The following ZNF407 variants were observed in gnomAD, a reference collection of about 807,000 sequenced individuals.
ZNF407 encodes the protein zinc finger protein 407.
ZNF407 carries 17 observed loss-of-function variants against 131.2 expected under a neutral mutation model. That is an observed-to-expected ratio of 0.13 (90% CI 0.09 to 0.19). ZNF407 has a LOEUF of 0.19. ZNF407 is among the 10% of genes least tolerant of loss of function. The probability of loss-of-function intolerance (pLI) is 1.00; values close to 1 mark genes in which losing one functional copy is unlikely to be tolerated. For synonymous variants in ZNF407, 1,156 were observed against 1,062.0 expected (o/e 1.09, Z -1.72); for missense variants, 2,681 against 2,830.6 (o/e 0.95, Z 1.20).
At chr18:74,798,205 C>T (rs1969956518) in intron 4 of ZNF407, among the ~76,000 whole-genome samples, 1 of 63,566 alleles carries the variant, frequency 1.6e-5, no homozygotes, top group South Asian at 7.9e-4. Flanking sequence ...TCTTCCTTTA[C>T]ACAAACACAC....
chr18:75,063,834 C>T lies in ZNF407; in HGVS notation c.6113C>T (p.Pro2038Leu). The T allele has an allele frequency of 6.2e-7, 1 of 1,608,106 alleles. No homozygotes were observed. The highest frequency in any genetic ancestry group is 8.5e-7 in the Non-Finnish European group (1 of 1,179,024). The change falls in exon 9 of 9, where the codon CCC becomes CTC. Residue 2038 changes from proline to leucine, a missense_variant. Physicochemically the swap from Pro to Leu is moderately conservative, Grantham distance 98 (BLOSUM62 -3). This residue lies in a region of ZNF407 where 620 missense variants were observed against 583.1 expected (regional missense o/e 1.06). Transcript: ENST00000299687. The surrounding 1 kb of genome is among the most constrained non-coding windows in gnomAD (Gnocchi z 6.6). ...VSHVAADPEA[P>L]EIQMFPQAQE... Reference sequence around the variant, plus strand: ...CATGTGGCTGCCGACCCCGAGGCCCCCGAGATCCAGATGTTCCCACAGGCC... The same window carrying T: ...CATGTGGCTGCCGACCCCGAGGCCCTCGAGATCCAGATGTTCCCACAGGCC...
At chr18:74,676,470 T>C (rs1365329344) in intron 3 of ZNF407, among the ~76,000 whole-genome samples, 5 of 141,316 alleles carry the variant, frequency 3.5e-5, no homozygotes, top group Non-Finnish European at 6.3e-5. Flanking sequence ...GGAGTCTCGC[T>C]CTGTCACCCA....
chr18:74,890,046 C>T lies in ZNF407; in HGVS notation c.5249+8C>T. On this transcript the variant is annotated splice_region_variant and intron_variant, in intron 7 of 8. Coordinates refer to ENST00000299687, the MANE Select transcript of ZNF407 (RefSeq NM_017757.3). ...CCCCTGGTGTGACTACAGGTAATGA[C>T]TCATCACTGAGCAGTCAAATCAGGT... 6.4e-7 allele frequency: 1 copy of T among 1,563,528 alleles called. No individual in the cohort carries two copies. Among genetic ancestry groups the T allele is most frequent in the Non-Finnish European group, 8.6e-7 (1 of 1,158,076 alleles).
chr18:74,669,554 A>G (rs507782), intron 3 of ZNF407, among the ~76,000 whole-genome samples: 3,535 of 152,084 alleles, frequency 0.023, 147 homozygotes, highest in African/African-American at 0.08. Flanking sequence ...TTGCTGTTTC[A>G]TCATATGCCT....
chr18:74,796,063 G>A (rs940214027), intron 4 of ZNF407, among the ~76,000 whole-genome samples: 4 of 152,194 alleles, frequency 2.6e-5, no homozygotes, highest in African/African-American at 9.7e-5. Context: ...CCCTCAGGTG[G>A]CAGACTTAGT....
At chr18:75,026,893 A>G (rs187597901) in intron 8 of ZNF407, among the ~76,000 whole-genome samples, 1 of 152,354 alleles carries the variant, frequency 6.6e-6, no homozygotes, top group East Asian at 1.9e-4. Context: ...TTTGTGGAGC[A>G]TCAGCTGGGT....
At chr18:74,774,237 A>G (rs1190241287) in intron 3 of ZNF407, among the ~76,000 whole-genome samples, 2 of 152,238 alleles carry the variant, frequency 1.3e-5, no homozygotes, top group African/African-American at 4.8e-5. Flanking sequence ...AAGTCTCTCT[A>G]TCAAAGAATG....
At chr18:75,029,070 A>G (rs140194096) in intron 8 of ZNF407, among the ~76,000 whole-genome samples, 1 of 152,342 alleles carries the variant, frequency 6.6e-6, no homozygotes, top group East Asian at 1.9e-4. Flanking sequence ...CAGATATCAG[A>G]ATAAAGACTG....
chr18:74,814,976 TTTACA>T (rs1207946087), intron 4 of ZNF407, among the ~76,000 whole-genome samples: 1 of 151,816 alleles, frequency 6.6e-6, no homozygotes, highest in Non-Finnish European at 1.5e-5. Context: ...CAAAATTTTG[TTTACA>T]TTATAAAATT....
chr18:74,720,502 G>A (rs1049740779), intron 3 of ZNF407, among the ~76,000 whole-genome samples: 5 of 151,558 alleles, frequency 3.3e-5, no homozygotes, highest in Non-Finnish European at 7.4e-5. Flanking sequence ...AACCTTTTTA[G>A]TTTGATACCA....
chr18:74,901,261 T>C (rs544207529), intron 7 of ZNF407, among the ~76,000 whole-genome samples: 16 of 152,340 alleles, frequency 1.1e-4, no homozygotes, highest in African/African-American at 3.8e-4. Flanking sequence ...CGTTTCATTA[T>C]GAATTATGAT....
chr18:74,794,529 T>C (rs1231309768), intron 4 of ZNF407, among the ~76,000 whole-genome samples: 1 of 152,192 alleles, frequency 6.6e-6, no homozygotes, highest in Non-Finnish European at 1.5e-5. Flanking sequence ...GCTTACTTTA[T>C]TTAATTTGTC....
chr18:74,755,746 T>TTTCC (rs1471228380), intron 3 of ZNF407, among the ~76,000 whole-genome samples: 1 of 118,472 alleles, frequency 8.4e-6, no homozygotes, highest in African/African-American at 4.1e-5. Flanking sequence ...TCTTTCTTTC[T>TTTCC]TTCTTTCTTT....
chr18:74,876,357 G>T (rs927389337), intron 4 of ZNF407, among the ~76,000 whole-genome samples: 8 of 152,118 alleles, frequency 5.3e-5, no homozygotes, highest in Non-Finnish European at 1.2e-4. Context: ...TAGTTACAGG[G>T]ATTGTTTTAA....
At chr18:75,022,296 G>A (rs75689084) in intron 8 of ZNF407, among the ~76,000 whole-genome samples, 1,532 of 152,214 alleles carry the variant, frequency 0.01, 57 homozygotes, top group Admixed American at 0.063. Flanking sequence ...CTTTTAATGA[G>A]AGCAAGAGAA....
chr18:74,934,437 G>T (rs1972016283), intron 8 of ZNF407, among the ~76,000 whole-genome samples: 1 of 152,160 alleles, frequency 6.6e-6, no homozygotes, highest in African/African-American at 2.4e-5. Flanking sequence ...GAATAGATTT[G>T]AACTTTGCTG....
At chr18:74,900,229 G>C (rs892720710) in intron 7 of ZNF407, among the ~76,000 whole-genome samples, 1 of 152,188 alleles carries the variant, frequency 6.6e-6, no homozygotes, top group Non-Finnish European at 1.5e-5. Flanking sequence ...AGTTGAGCCA[G>C]TGCCTCACTA....
intron 1 of ZNF407, among the ~76,000 whole-genome samples, chr18:74,617,937 T>C (rs1983385775): frequency 6.6e-6 from 1 of 152,178 alleles, no homozygotes; most frequent in South Asian, 2.1e-4. Flanking sequence ...CAGCACTCCC[T>C]CCATTTTTAC....
chr18:74,673,744 GCA>G (rs147062375), intron 3 of ZNF407, among the ~76,000 whole-genome samples: 18 of 152,000 alleles, frequency 1.2e-4, no homozygotes, highest in African/African-American at 1.7e-4. Flanking sequence ...ATACACAAGT[GCA>G]CACACACACA....
Sources: allele counts gnomAD v4.1 joint callset (sites outside exome capture counted in the v4.1 genomes callset), GRCh38; gene constraint gnomAD v4.1.1; regional missense constraint gnomAD v4.1.1; non-coding constraint Gnocchi (gnomAD v3.1); transcripts MANE v1.5; gene names NCBI Gene and HGNC (gene_info 2026-07-23, HGNC 2026-07-21).